The following EML4 variants were observed in gnomAD, a reference collection of about 807,000 sequenced individuals.
EML4 encodes the protein echinoderm microtubule-associated protein-like 4.
EML4 carries 72 observed loss-of-function variants against 129.0 expected under a neutral mutation model. The ratio of observed to expected loss-of-function variants is 0.56; its 90% CI spans 0.46 to 0.68. The LOEUF (loss-of-function observed/expected upper bound fraction) is 0.68. Ranked by LOEUF, EML4 falls within the 30% of genes least tolerant of loss-of-function variation. EML4 has a pLI of 0.00. For missense variants in EML4, 1,363 were observed against 1,190.6 expected, an observed-to-expected ratio of 1.14 and a Z score of -2.13; for synonymous variants, 532 against 405.0, an observed-to-expected ratio of 1.31 and a Z score of -3.77.
At chr2:42,194,805 G>A (rs562760385) in intron 1 of EML4, among the ~76,000 whole-genome samples, 15 of 152,108 alleles carry the variant, frequency 9.9e-5, no homozygotes, top group African/African-American at 3.4e-4. Context: ...GCCACTGCTT[G>A]GCCAGGATCT....
intron 2 of EML4, among the ~76,000 whole-genome samples, chr2:42,251,420 A>G (rs1675759320): frequency 6.6e-6 from 1 of 152,226 alleles, no homozygotes; most frequent in South Asian, 2.1e-4. Context: ...TGCCATTTCT[A>G]TATGAGAGTC....
chr2:42,176,948 C>G (rs1279899367), intron 1 of EML4, among the ~76,000 whole-genome samples: 2 of 152,108 alleles, frequency 1.3e-5, no homozygotes, highest in Admixed American at 6.6e-5. Context: ...TGTATGCCAC[C>G]ACACCCAGCT....
intron 14 of EML4, among the ~76,000 whole-genome samples, chr2:42,302,249 T>C (rs1461132338): frequency 6.6e-6 from 1 of 152,158 alleles, no homozygotes; most frequent in Non-Finnish European, 1.5e-5. Context: ...ATTTATGGGA[T>C]ACAATCTGAT....
Position 42,315,116 on chromosome 2 carries a change from GT to G in EML4, c.1968-841del, listed in dbSNP as rs1188711473. Among the ~76,000 whole-genome samples the G allele has an allele frequency of 5.3e-5, 8 of 152,194 alleles. No homozygotes were observed. In the East Asian group the frequency reaches 1.5e-3, roughly 29 times the overall value. ...CCCTCACACCTTCATATTGTCCATG[GT>G]TTTTCCCACCTCCTTAGCTATACAG... On this transcript the variant is annotated intron_variant, in intron 17 of 22. Transcript: ENST00000318522.
intron 1 of EML4, among the ~76,000 whole-genome samples, chr2:42,233,030 C>T (rs1674445665): frequency 6.6e-6 from 1 of 151,932 alleles, no homozygotes; most frequent in South Asian, 2.1e-4. Context: ...CCTGTGAAGG[C>T]CTTTTGTAAG....
intron 6 of EML4, among the ~76,000 whole-genome samples, chr2:42,272,245 G>T (rs1449355300): frequency 6.6e-6 from 1 of 152,148 alleles, no homozygotes; most frequent in Non-Finnish European, 1.5e-5. Context: ...CATATACCAA[G>T]ATTTCAAGGA....
intron 1 of EML4, among the ~76,000 whole-genome samples, chr2:42,206,581 T>C (rs1465619579): frequency 6.6e-6 from 1 of 152,216 alleles, no homozygotes. Context: ...AACTGAACTG[T>C]TCGTGAGCCT....
At chr2:42,307,088 C>T (rs1186097268) in intron 17 of EML4, among the ~76,000 whole-genome samples, 2 of 152,090 alleles carry the variant, frequency 1.3e-5, no homozygotes, top group Non-Finnish European at 2.9e-5. Flanking sequence ...ACTAAATGGG[C>T]GATTGTAAGG....
chr2:42,275,040 G>C (rs1251698206), intron 6 of EML4, among the ~76,000 whole-genome samples: 2 of 152,140 alleles, frequency 1.3e-5, no homozygotes, highest in Non-Finnish European at 2.9e-5. Context: ...CCGGTAACTG[G>C]ACTAGCCTGA....
At chr2:42,179,441 G>A (rs1412887201) in intron 1 of EML4, among the ~76,000 whole-genome samples, 1 of 152,044 alleles carries the variant, frequency 6.6e-6, no homozygotes, top group African/African-American at 2.4e-5. Flanking sequence ...CATGTGGATG[G>A]TGGTAAGTAT....
chr2:42,305,374 T>C (rs951638010), intron 17 of EML4, among the ~76,000 whole-genome samples: 1 of 152,232 alleles, frequency 6.6e-6, no homozygotes, highest in Non-Finnish European at 1.5e-5. Flanking sequence ...ATGGGCTTCA[T>C]TGAAAAGGAG....
chr2:42,226,139 A>G (rs1673942625), intron 1 of EML4, among the ~76,000 whole-genome samples: 1 of 152,100 alleles, frequency 6.6e-6, no homozygotes, highest in Non-Finnish European at 1.5e-5. Flanking sequence ...AATAGTTACC[A>G]GTCTTTTCTT....
chr2:42,177,458 C>G (rs1670671850), intron 1 of EML4, among the ~76,000 whole-genome samples: 1 of 151,766 alleles, frequency 6.6e-6, no homozygotes, highest in South Asian at 2.1e-4. Flanking sequence ...CCGTCTCTAC[C>G]AAAAGTACAA....
chr2:42,211,130 G>A (rs1241371139), intron 1 of EML4, among the ~76,000 whole-genome samples: 1 of 152,118 alleles, frequency 6.6e-6, no homozygotes, highest in Non-Finnish European at 1.5e-5. Flanking sequence ...AATGTGCTTG[G>A]TGTACCTACC....
rs374524571 is a variant in EML4 at position 42,254,423 on chromosome 2, A to AC, written c.209-2077dup. On this transcript the variant is annotated intron_variant, in intron 2 of 22. Coordinates refer to ENST00000318522, the MANE Select transcript of EML4 (RefSeq NM_019063.5). Reference sequence around the variant, plus strand: ...CAGTGAGCCATGATTGTGACATGGCACTCCAGCCTGGGCAACAGAGCAAGA... The same window carrying AC: ...CAGTGAGCCATGATTGTGACATGGCACCTCCAGCCTGGGCAACAGAGCAAGA... Among the ~76,000 whole-genome samples, 98 of 151,440 alleles carry AC rather than the reference A, an allele frequency of 6.5e-4. 1 individual carries two copies. The highest frequency in any genetic ancestry group is 2.2e-3 in the African/African-American group (91 of 41,172).
At chr2:42,187,457 C>T (rs1377431368) in intron 1 of EML4, among the ~76,000 whole-genome samples, 1 of 152,116 alleles carries the variant, frequency 6.6e-6, no homozygotes, top group Non-Finnish European at 1.5e-5. Context: ...TTGTTTGTTT[C>T]ACTAGTTCGT....
chr2:42,169,654 G>A lies in EML4; in HGVS notation c.25+18G>A. On this transcript the variant is annotated intron_variant, in intron 1 of 22. Coordinates refer to ENST00000318522, the MANE Select transcript of EML4 (RefSeq NM_019063.5). ...CAGTCTCGGTGAGTACGGCTGGGGA[G>A]TCCTGCGTCTTCTGCGAAGGGTAGG... The A allele has an allele frequency of 6.2e-7, 1 of 1,600,662 alleles. No individual in the cohort carries two copies. Among genetic ancestry groups the A allele is most frequent in the South Asian group, 1.1e-5 (1 of 90,040 alleles).
At chr2:42,194,840 A>G (rs979562566) in intron 1 of EML4, among the ~76,000 whole-genome samples, 2 of 152,010 alleles carry the variant, frequency 1.3e-5, no homozygotes, top group Non-Finnish European at 2.9e-5. Context: ...CTGATTTATC[A>G]TTTGTTCCTT....
chr2:42,211,377 G>A (rs1223219435), intron 1 of EML4, among the ~76,000 whole-genome samples: 1 of 152,164 alleles, frequency 6.6e-6, no homozygotes, highest in African/African-American at 2.4e-5. Flanking sequence ...AGATCCTGAA[G>A]GTAGGTTATT....
Sources: allele counts gnomAD v4.1 joint callset (sites outside exome capture counted in the v4.1 genomes callset), GRCh38; gene constraint gnomAD v4.1.1; transcripts MANE v1.5; gene names NCBI Gene and HGNC (gene_info 2026-07-23, HGNC 2026-07-21).